The following KCNN1 variants were observed in gnomAD, a reference collection of about 807,000 sequenced individuals.
The protein encoded by KCNN1 is small conductance calcium-activated potassium channel protein 1.
In KCNN1, 20 loss-of-function variants were observed where a neutral mutation model predicts 44.7. That is an observed-to-expected ratio of 0.45 (90% CI 0.32 to 0.65). The LOEUF is 0.65. Ranked by LOEUF, KCNN1 falls within the 30% of genes least tolerant of loss-of-function variation. KCNN1 has a pLI of 0.05. For missense variants in KCNN1, 632 were observed against 785.3 expected (o/e 0.80, Z 2.33); for synonymous variants, 324 against 341.7 (o/e 0.95, Z 0.57).
chr19:17,995,453 C>T (rs571212580), intron 9 of KCNN1, among the ~76,000 whole-genome samples: 10 of 151,918 alleles, frequency 6.6e-5, no homozygotes, highest in African/African-American at 1.9e-4. Flanking sequence ...GGATTACAGG[C>T]GTGAGCCACC....
rs779458116 is a variant in KCNN1 at position 17,981,877 on chromosome 19, G to A, written c.667G>A (p.Glu223Lys). 1.1e-5 allele frequency: 17 copies of A among 1,612,362 alleles called. No homozygotes were observed. Among genetic ancestry groups the A allele is most frequent in the South Asian group, 7.7e-5 (7 of 90,976 alleles). ...LAFTYAPSVAEADVDVLLSIP... is the reference protein window; with the variant it reads ...LAFTYAPSVAKADVDVLLSIP... ...CTTCACGTACGCGCCCTCGGTGGCC[G>A]AGGCCGACGTGGACGTGCTGCTGTC... The change falls in exon 4 of 10, where the codon GAG (glutamate) becomes AAG (lysine). Residue 223 changes from glutamate (E) to lysine (K), a missense_variant. Around this residue, in one of 3 missense-constraint regions of KCNN1, gnomAD observed 160 missense variants for 308.3 expected, o/e 0.52. Transcript: ENST00000684775.
At chr19:17,990,264 C>T (rs2032742125) in intron 7 of KCNN1, among the ~76,000 whole-genome samples, 2 of 144,102 alleles carry the variant, frequency 1.4e-5, no homozygotes, top group Admixed American at 1.4e-4. Context: ...GCAGGAAGAT[C>T]GCTTGAGTCC....
In KCNN1 at chr19:17,974,275, G is replaced by T. The variant is rs1014108962; in HGVS notation, c.387G>T (p.Trp129Cys). The T allele has an allele frequency of 1.3e-6, 2 of 1,578,192 alleles. No homozygotes were observed. Among genetic ancestry groups the T allele is most frequent in the South Asian group, 1.2e-5 (1 of 86,014 alleles). ...TGGTGACGGAGACCGAGCTGTCCTG[G>T]GGGGTGTACACCAAGGTAGGCGTGG... ...VVMVTETELS[W>C]GVYTKESLYS... The change falls in exon 2 of 10, where the codon TGG (tryptophan) becomes TGT (cysteine). Residue 129 changes from tryptophan to cysteine, a missense_variant. Physicochemically the swap from Trp to Cys is radical, Grantham distance 215. Around this residue, in one of 3 missense-constraint regions of KCNN1, gnomAD observed 235 missense variants for 224.0 expected, o/e 1.05. Transcript: ENST00000684775. The surrounding 1 kb of genome is among the most constrained non-coding windows in gnomAD (Gnocchi z 7.3).
intron 7 of KCNN1, among the ~76,000 whole-genome samples, chr19:17,990,477 G>A (rs2032748783): frequency 7.0e-6 from 1 of 143,140 alleles, no homozygotes; most frequent in Non-Finnish European, 1.5e-5. Flanking sequence ...GTGAGACCTT[G>A]TCTCAAAAAA....
At chr19:17,987,115 C>CTT (rs796678708) in intron 5 of KCNN1, among the ~76,000 whole-genome samples, 3 of 141,756 alleles carry the variant, frequency 2.1e-5, no homozygotes, top group Non-Finnish European at 3.1e-5. Flanking sequence ...CCCTTTTTTT[C>CTT]TTTTTTTTTT....
At chr19:17,990,092 A>T in intron 7 of KCNN1, 1 of 664,232 alleles carries the variant, frequency 1.5e-6, no homozygotes, top group Non-Finnish European at 2.8e-6. Flanking sequence ...AACCAGGATA[A>T]TTCTTACCCT....
At chr19:17,973,465 G>C (rs2032092777) in intron 1 of KCNN1, among the ~76,000 whole-genome samples, 1 of 152,166 alleles carries the variant, frequency 6.6e-6, no homozygotes, top group Admixed American at 6.6e-5. Flanking sequence ...ATTTTTAGTA[G>C]AGACTGGTTT....
chr19:17,982,238 C>G (rs888973872), intron 4 of KCNN1, 111 bp downstream of exon 4: 17 of 909,398 alleles, frequency 1.9e-5, no homozygotes, highest in African/African-American at 3.4e-5. Flanking sequence ...CTGGCCATTG[C>G]TTCTGTCTCC....
intron 1 of KCNN1, among the ~76,000 whole-genome samples, chr19:17,970,591 AC>A (rs1263197098): frequency 2.6e-5 from 4 of 151,864 alleles, no homozygotes; most frequent in Non-Finnish European, 5.9e-5. Context: ...TGCTGGGATT[AC>A]AGGTGTGAGC....
rs2032561245 is a variant in KCNN1, at chr19:17,985,367, T to G, written c.973T>G (p.Ser325Ala). The G allele has an allele frequency of 1.9e-6, 3 of 1,611,660 alleles. No homozygotes were observed. The highest frequency in any genetic ancestry group is 2.5e-6 in the Non-Finnish European group (3 of 1,178,428). ...CTTCCTGGGGGCCATGTGGCTGATT[T>G]CCATCACCTTCCTCTCCATTGGCTA... The part of the protein sequence containing the change: ...SNFLGAMWLI[S>A]ITFLSIGYGD... The change falls in exon 5 of 10, where the codon TCC becomes GCC. Residue 325 changes from serine (S) to alanine (A), a missense_variant. Around this residue, in one of 3 missense-constraint regions of KCNN1, gnomAD observed 160 missense variants for 308.3 expected, o/e 0.52. Transcript: ENST00000684775.
chr19:17,996,869 G>A (rs980939543), intron 9 of KCNN1, among the ~76,000 whole-genome samples: 5 of 152,216 alleles, frequency 3.3e-5, no homozygotes, highest in African/African-American at 1.2e-4. Context: ...GAGGCTGGGT[G>A]TGAGAGGACA....
At chr19:17,990,796 T>G (rs2032764365) in intron 7 of KCNN1, among the ~76,000 whole-genome samples, 1 of 128,832 alleles carries the variant, frequency 7.8e-6, no homozygotes, top group Non-Finnish European at 1.6e-5. Flanking sequence ...TGAGACTCTG[T>G]CTCAAAAAAA....
At chr19:17,985,974 A>T (rs1209007601) in intron 5 of KCNN1, among the ~76,000 whole-genome samples, 1 of 152,156 alleles carries the variant, frequency 6.6e-6, no homozygotes, top group Non-Finnish European at 1.5e-5. Flanking sequence ...TCATGCCTGT[A>T]ATCCCAGCAC....
intron 4 of KCNN1, among the ~76,000 whole-genome samples, chr19:17,984,031 C>T (rs915500102): frequency 3.3e-5 from 5 of 151,728 alleles, no homozygotes; most frequent in African/African-American, 7.3e-5. Context: ...GGCATGGTGG[C>T]GGGCGCGTGT....
rs759964815 is a variant in KCNN1, at chr19:17,998,215, C to T, written c.1441C>T (p.Arg481Cys). Residue 481 changes from arginine to cysteine, a missense_variant, in exon 10 of 10, where the codon CGC (arginine) becomes TGC (cysteine). By Grantham distance (180) the Arg-to-Cys change is radical. Coordinates refer to ENST00000684775, the MANE Select transcript of KCNN1 (RefSeq NM_001386974.1). This position sits in a 1 kb window ranked among gnomAD's most constrained non-coding sequence, Gnocchi z 5.4. The part of the protein sequence containing the change: ...LHAQHEELEA[R>C]LATLESRLDA... ...CGCTCAGCACGAGGAGCTGGAGGCC[C>T]GCCTGGCCACCCTGGAAAGCCGCTT... is the stretch of plus-strand genomic sequence containing the variant. 19 of 1,587,826 alleles carry T rather than the reference C, an allele frequency of 1.2e-5. No homozygotes were observed. Among genetic ancestry groups the T allele is most frequent in the Non-Finnish European group, 6.8e-6 (8 of 1,168,552 alleles).
At chr19:17,958,480 CTTTTT>C (rs71164331) in intron 2 of KCNN1, among the ~76,000 whole-genome samples, 9 of 99,542 alleles carry the variant, frequency 9.0e-5, no homozygotes, top group Non-Finnish European at 1.6e-4. Flanking sequence ...GACCCTGTCT[CTTTTT>C]TTTTTTTTTT....
At chr19:17,975,269 C>A in intron 3 of KCNN1, 82 bp downstream of exon 3, 1 of 953,520 alleles carries the variant, frequency 1.0e-6, no homozygotes, top group East Asian at 2.5e-5. Flanking sequence ...GACCCCATCC[C>A]CTCAAAACAT....
intron 7 of KCNN1, among the ~76,000 whole-genome samples, 183 bp from the exon 8 acceptor site, chr19:17,992,871 C>T (rs2032843679): frequency 6.6e-6 from 1 of 152,202 alleles, no homozygotes; most frequent in African/African-American, 2.4e-5. Context: ...GGGGCTGGCA[C>T]AGAACCCTCA....
At chr19:17,987,247 T>C (rs1414016903) in intron 5 of KCNN1, among the ~76,000 whole-genome samples, 1 of 152,136 alleles carries the variant, frequency 6.6e-6, no homozygotes, top group African/African-American at 2.4e-5. Context: ...GTAGCTGGGA[T>C]GGCAGGCACC....
Sources: allele counts gnomAD v4.1 joint callset (sites outside exome capture counted in the v4.1 genomes callset), GRCh38; gene constraint gnomAD v4.1.1; regional missense constraint gnomAD v4.1.1; non-coding constraint Gnocchi (gnomAD v3.1); transcripts MANE v1.5; gene names NCBI Gene and HGNC (gene_info 2026-07-23, HGNC 2026-07-21).